HAS3: variants seen among roughly 807,000 people sequenced by gnomAD.
HAS3 encodes the protein HA synthase 3.
A neutral mutation model predicts 50.3 loss-of-function variants in HAS3; 27 were observed. That is an observed-to-expected ratio of 0.54 (90% CI 0.40 to 0.74). The LOEUF (loss-of-function observed/expected upper bound fraction) is 0.74, where lower values mean the gene tolerates loss of function less well. Among genes scored for constraint, HAS3 ranks in the 30% least tolerant of loss-of-function variants. The pLI is 0.00. For missense variants in HAS3, 517 were observed against 742.8 expected (o/e 0.70, Z 3.53); for synonymous variants, 339 against 310.9 (o/e 1.09, Z -0.95).
At position 69,110,106 on chromosome 16, in the gene HAS3, C is replaced by G. The variant is rs752906964; in HGVS notation, c.636+75C>G. On this transcript the variant is annotated intron_variant, in intron 2 of 3. Coordinates refer to ENST00000569188, the MANE Select transcript of HAS3 (RefSeq NM_001199280.2). ...GCCTGGCAAACTCTCCGCCAAGAAT[C>G]TGAGGTCTGGTCTAGGTCCCTTGGG... The G allele has an allele frequency of 1.2e-4, 175 of 1,430,516 alleles. No individual in the cohort carries two copies. The Middle Eastern group carries it at 1.3e-3, about 10-fold the overall frequency. 88.6% of individuals were successfully genotyped at this position (1,430,516 alleles called of 1,614,324 possible).
the HAS3 span, among the ~76,000 whole-genome samples, chr16:69,091,618 T>C: frequency 6.6e-6 from 1 of 152,114 alleles, no homozygotes; most frequent in Non-Finnish European, 1.5e-5. Flanking sequence ...CTAGGAAGCC[T>C]TCAGGGCTGG....
chr16:69,113,886 G>A (rs187420371), intron 3 of HAS3, among the ~76,000 whole-genome samples: 2 of 152,318 alleles, frequency 1.3e-5, no homozygotes, highest in Admixed American at 1.3e-4. Context: ...TTGCTCTTAG[G>A]AGATGGGCTG....
Position 69,107,412 on chromosome 16 carries a change from C to A in HAS3, c.-1+1625C>A. 3 of 985,556 alleles carry A rather than the reference C, an allele frequency of 3.0e-6. No homozygotes were observed. Among genetic ancestry groups the A allele is most frequent in the Non-Finnish European group, 3.6e-6 (3 of 829,988 alleles). The allele number at this position is 985,556 out of a possible 1,614,324, so 61.1% of individuals were successfully genotyped here. A position where few individuals can be genotyped will look rare whatever the true frequency, so the allele number is the denominator to read the frequency against. Reference sequence around the variant, plus strand: ...AGCTGGGGTACCAGGAAGAGCAGGGCCTGGTCCGACTGGGATCCCTTGGGT... The same window carrying A: ...AGCTGGGGTACCAGGAAGAGCAGGGACTGGTCCGACTGGGATCCCTTGGGT... On this transcript the variant is annotated intron_variant, in intron 1 of 3. Coordinates refer to ENST00000569188, the MANE Select transcript of HAS3 (RefSeq NM_001199280.2). This position sits in a 1 kb window ranked among gnomAD's most constrained non-coding sequence, Gnocchi z 5.5.
the HAS3 span, chr16:69,083,776 CG>C: frequency 2.4e-6 from 3 of 1,260,792 alleles, no homozygotes; most frequent in African/African-American, 1.5e-5. Context: ...GGCTGACCCT[CG>C]GGGTGGTTTT....
At position 69,114,691 on chromosome 16, in the gene HAS3, C is replaced by G. The variant is rs993737575; in HGVS notation, c.1087C>G (p.Arg363Gly). 1 of 1,614,122 alleles carries G rather than the reference C, an allele frequency of 6.2e-7. No homozygotes were observed. The highest frequency in any genetic ancestry group is 1.3e-5 in the African/African-American group (1 of 75,020). ...QQTRWSKSYF[R>G]EWLYNSLWFH... The stretch of plus-strand genomic sequence containing the variant: ...AACCCGCTGGAGCAAGTCTTACTTC[C>G]GGGAGTGGCTCTACAACTCTCTGTG... The change falls in exon 4 of 4, where the codon CGG becomes GGG. Residue 363 changes from arginine (R) to glycine (G), a missense_variant. Transcript: ENST00000569188. This position sits in a 1 kb window ranked among gnomAD's most constrained non-coding sequence, Gnocchi z 6.4.
Position 69,106,101 on chromosome 16 carries a change from G to T in HAS3, c.-1+314G>T, listed in dbSNP as rs983339466. ...CGCTCCCTGGGACCGCGCGGGGTCG[G>T]GGGTGCGCCCGCGGGGGCCCTCCCA... is the stretch of plus-strand genomic sequence containing the variant. On this transcript the variant is annotated intron_variant, in intron 1 of 3. Transcript: ENST00000569188. The surrounding 1 kb of genome is among the most constrained non-coding windows in gnomAD (Gnocchi z 5.5). 6.6e-6 allele frequency among the ~76,000 whole-genome samples: 1 copy of T among 151,864 alleles called. No homozygotes were observed.
In HAS3 at chr16:69,116,772, A is replaced by C; in HGVS notation, c.*1506A>C. On this transcript the variant is annotated 3_prime_UTR_variant, in exon 4 of 4. Transcript: ENST00000569188. ...AATCCAGGCTGTTCTCAGCGTTTTG[A>C]GTTTAAAACCTGGGATCCTGACTAA... The C allele has an allele frequency of 2.0e-6, 2 of 985,264 alleles. No individual in the cohort carries two copies. Among genetic ancestry groups the C allele is most frequent in the Non-Finnish European group, 2.4e-6 (2 of 829,862 alleles). 61.0% of individuals were successfully genotyped at this position (985,264 alleles called of 1,614,324 possible).
At position 69,106,292 on chromosome 16, in the gene HAS3, C is replaced by G. The variant is rs1417038210; in HGVS notation, c.-1+505C>G. ...GGAGCCGCCGCGGGCCTGCTGAGCT[C>G]CGGAGCGCGGCAGCCGGCGGCACGG... On this transcript the variant is annotated intron_variant, in intron 1 of 3. Coordinates refer to ENST00000569188, the MANE Select transcript of HAS3 (RefSeq NM_001199280.2). This position sits in a 1 kb window ranked among gnomAD's most constrained non-coding sequence, Gnocchi z 5.5. 1 of 149,828 alleles carries G rather than the reference C, an allele frequency of 6.7e-6. No homozygotes were observed. The highest frequency in any genetic ancestry group is 1.5e-5 in the Non-Finnish European group (1 of 67,322). The allele number at this position is 149,828 out of a possible 1,614,324, so 9.3% of individuals were successfully genotyped here.
At position 69,116,400 on chromosome 16, in the gene HAS3, G is replaced by A. The variant is rs184322105; in HGVS notation, c.*1134G>A. ...GCTACAATCTTGGAGCTGCTTGGAC[G>A]GATTCCTTGGCAGCCGGGTTAGCAT... On this transcript the variant is annotated 3_prime_UTR_variant, in exon 4 of 4. Transcript: ENST00000569188. The A allele has an allele frequency of 8.7e-5, 86 of 985,796 alleles. No homozygotes were observed. In the Admixed American group the frequency reaches 1.4e-3, roughly 15 times the overall value. 61.1% of individuals were successfully genotyped at this position (985,796 alleles called of 1,614,324 possible). A position where few individuals can be genotyped will look rare whatever the true frequency, so the allele number is the denominator to read the frequency against.
chr16:69,113,736 G>A (rs1216642994), intron 3 of HAS3, among the ~76,000 whole-genome samples, 194 bp downstream of exon 3: 3 of 152,112 alleles, frequency 2.0e-5, no homozygotes, highest in Non-Finnish European at 2.9e-5. Context: ...CCACATGAGG[G>A]GAAGTCACTT....
upstream of HAS3, among the ~76,000 whole-genome samples, chr16:69,101,318 T>A (rs953070726): frequency 6.6e-5 from 10 of 152,178 alleles, no homozygotes; most frequent in African/African-American, 9.7e-5. Flanking sequence ...TTTTTTATTT[T>A]GAGGCAAAGT....
At chr16:69,113,326 G>A (rs746347458) in intron 2 of HAS3, 115 bp from the exon 3 acceptor site, 61 of 755,658 alleles carry the variant, frequency 8.1e-5, no homozygotes, top group Admixed American at 2.5e-4. Context: ...GGCTGGAAGT[G>A]AGTCATGTGT....
At position 69,115,447 on chromosome 16, in the gene HAS3, AG is replaced by A; in HGVS notation, c.*183del. 1 of 1,310,266 alleles carries A rather than the reference AG, an allele frequency of 7.6e-7. No individual in the cohort carries two copies. The highest frequency in any genetic ancestry group is 9.7e-7 in the Non-Finnish European group (1 of 1,034,412). 81.2% of individuals were successfully genotyped at this position (1,310,266 alleles called of 1,614,324 possible). A position where few individuals can be genotyped will look rare whatever the true frequency, so the allele number is the denominator to read the frequency against. ...ATGGCCTGACAGCTCTGTTTAGAGG[AG>A]GCAACACTGATCCCCCAGATGCAGG... On this transcript the variant is annotated 3_prime_UTR_variant, in exon 4 of 4. Transcript: ENST00000569188.
Position 69,109,885 on chromosome 16 carries a change from G to T in HAS3, c.490G>T (p.Glu164Ter). The stretch of plus-strand genomic sequence containing the variant: ...CCATGAGGCAGGCGAGGGTGAGACG[G>T]AGGCCAGCCTGCAGGAGGGCATGGA... ...NFHEAGEGETEASLQEGMDRV... is the reference protein window; with the variant it reads ...NFHEAGEGET Residue 164 changes from glutamate (E) to a stop codon, truncating the protein, a stop_gained, in exon 2 of 4, where the codon GAG becomes TAG. Transcript: ENST00000569188. LOFTEE classifies it high-confidence loss of function. This position sits in a 1 kb window ranked among gnomAD's most constrained non-coding sequence, Gnocchi z 5.3. 6.2e-7 allele frequency: 1 copy of T among 1,613,906 alleles called. No homozygotes were observed. Among genetic ancestry groups the T allele is most frequent in the Non-Finnish European group, 8.5e-7 (1 of 1,180,032 alleles).
upstream of HAS3, among the ~76,000 whole-genome samples, chr16:69,103,003 A>ATGTGTGTGTGTG (rs35175934): frequency 0.013 from 1,750 of 138,752 alleles, 12 homozygotes; most frequent in South Asian, 0.016. Context: ...TGGAGTGTGC[A>ATGTGTGTGTGTG]TGTGTGTGTG....
chr16:69,105,221 T>A (rs146597745), upstream of HAS3, among the ~76,000 whole-genome samples: 397 of 152,122 alleles, frequency 2.6e-3, 2 homozygotes, highest in African/African-American at 9.2e-3. Context: ...ACTCATTTTT[T>A]AAAAACTAGT....
rs1960904174 is a variant in HAS3, at chr16:69,108,994, AC to A, written c.1-397del. Among the ~76,000 whole-genome samples the A allele has an allele frequency of 2.0e-5, 3 of 151,956 alleles. No individual in the cohort carries two copies. In the South Asian group the frequency reaches 6.3e-4, roughly 32 times the overall value. On this transcript the variant is annotated intron_variant, in intron 1 of 3. Transcript: ENST00000569188. Reference sequence around the variant, plus strand: ...AGGTGCCCAGAGCTGCCTCAGGCTCACCCCCTTGAAGCTTACCTCTTCAGCG... The same window carrying A: ...AGGTGCCCAGAGCTGCCTCAGGCTCACCCCTTGAAGCTTACCTCTTCAGCG...
Position 69,117,347 on chromosome 16 carries a change from G to A in HAS3, c.*2081G>A, listed in dbSNP as rs540070074. 6.9e-5 allele frequency: 68 copies of A among 985,802 alleles called. 1 individual carries two copies. In the South Asian group the frequency reaches 2.8e-3, roughly 40 times the overall value. 61.1% of individuals were successfully genotyped at this position (985,802 alleles called of 1,614,324 possible). A position where few individuals can be genotyped will look rare whatever the true frequency, so the allele number is the denominator to read the frequency against. ...GTCAACTTTCCTCAAATCAAAAACA[G>A]GCAGGTACAGGTAGTGGGCTCACAA... is the stretch of plus-strand genomic sequence containing the variant. On this transcript the variant is annotated 3_prime_UTR_variant, in exon 4 of 4. Transcript: ENST00000569188.
the HAS3 span, among the ~76,000 whole-genome samples, chr16:69,097,107 G>A: frequency 1.3e-5 from 2 of 151,844 alleles, no homozygotes; most frequent in African/African-American, 4.8e-5. Flanking sequence ...AGCCGTGATT[G>A]CACCACTGCA....
Sources: allele counts gnomAD v4.1 joint callset (sites outside exome capture counted in the v4.1 genomes callset), GRCh38; gene constraint gnomAD v4.1.1; non-coding constraint Gnocchi (gnomAD v3.1); transcripts MANE v1.5; gene names NCBI Gene and HGNC (gene_info 2026-07-23, HGNC 2026-07-21).